ZNF461: variants seen among roughly 807,000 people sequenced by gnomAD.
ZNF461 encodes the protein zinc finger protein 461, also known as gonadotropin-inducible ovarian transcription factor-1.
A neutral mutation model predicts 18.3 loss-of-function variants in ZNF461; 16 were observed. That is an observed-to-expected ratio of 0.88 (90% CI 0.59 to 1.33). The LOEUF (loss-of-function observed/expected upper bound fraction) is 1.33, where lower values mean the gene tolerates loss of function less well. Among genes scored for constraint, ZNF461 ranks in the 40% most tolerant of loss-of-function variants. The pLI is 0.00. For missense variants in ZNF461, 595 were observed against 669.9 expected, an observed-to-expected ratio of 0.89 and a Z score of 1.23; for synonymous variants, 179 against 216.9, an observed-to-expected ratio of 0.83 and a Z score of 1.54.
chr19:36,652,874 T>C (rs2037654215), intron 4 of ZNF461, among the ~76,000 whole-genome samples: 1 of 152,082 alleles, frequency 6.6e-6, no homozygotes, highest in African/African-American at 2.4e-5. Context: ...CTGTCTAAGA[T>C]ACAAAAAGAA....
At chr19:36,651,359 A>G (rs2145392087) in intron 4 of ZNF461, among the ~76,000 whole-genome samples, 1 of 152,202 alleles carries the variant, frequency 6.6e-6, no homozygotes, top group East Asian at 1.9e-4. Flanking sequence ...TATTCAACAT[A>G]GTATTAGAAG....
chr19:36,639,053 T>C lies in ZNF461; in HGVS notation c.1292A>G (p.His431Arg), dbSNP rs1323254948. ...AFCDGLQLTL[H>R]QRIHTGEKPY... ...TTTCTCACCAGTATGAATCCTCTGA[T>C]GTAGGGTTAGTTGTAAGCCATCACA... is the stretch of plus-strand genomic sequence containing the variant. The change falls in exon 6 of 6, where the codon CAT becomes CGT. Residue 431 changes from histidine to arginine, a missense_variant. Coordinates refer to ENST00000588268, the MANE Select transcript of ZNF461 (RefSeq NM_153257.5). 6.2e-7 allele frequency: 1 copy of C among 1,614,026 alleles called. No individual in the cohort carries two copies. The highest frequency in any genetic ancestry group is 8.5e-7 in the Non-Finnish European group (1 of 1,180,008).
chr19:36,659,901 A>G (rs1262943399), intron 2 of ZNF461, among the ~76,000 whole-genome samples: 1 of 152,128 alleles, frequency 6.6e-6, no homozygotes, highest in African/African-American at 2.4e-5. Context: ...ATCTCCATCT[A>G]ATTCTAAAGC....
At chr19:36,660,999 C>T (rs1386288180) in intron 2 of ZNF461, among the ~76,000 whole-genome samples, 3 of 152,020 alleles carry the variant, frequency 2.0e-5, no homozygotes, top group Admixed American at 2.0e-4. Flanking sequence ...ATAGAAGTAT[C>T]CAGTTGTGTC....
At position 36,639,997 on chromosome 19, in the gene ZNF461, A is replaced by T. The variant is rs1224966925; in HGVS notation, c.348T>A (p.Asp116Glu). Residue 116 changes from aspartate (D) to glutamate (E), a missense_variant, in exon 6 of 6, where the codon GAT becomes GAA. Asp to Glu is a conservative substitution (Grantham distance 45). Transcript: ENST00000588268. ...ACTGGGATAATTCTGTTTCATAAATATCCCTTTTTGGAGATAACTTCTGGG... is the reference window on the plus strand; with the variant it reads ...ACTGGGATAATTCTGTTTCATAAATTTCCCTTTTTGGAGATAACTTCTGGG... ...DEPQKLSPKR[D>E]IYETELSQWV... is the part of the protein sequence containing the mutation. 2 of 1,613,418 alleles carry T rather than the reference A, an allele frequency of 1.2e-6. No individual in the cohort carries two copies. Among genetic ancestry groups the T allele is most frequent in the Admixed American group, 3.3e-5 (2 of 59,974 alleles).
intron 5 of ZNF461, among the ~76,000 whole-genome samples, chr19:36,641,660 G>T (rs1414730388): frequency 6.6e-6 from 1 of 151,472 alleles, no homozygotes; most frequent in Non-Finnish European, 1.5e-5. Context: ...GTTGCTGAAT[G>T]AATGAATTAT....
chr19:36,654,024 GTA>G (rs2037673328), intron 4 of ZNF461, among the ~76,000 whole-genome samples: 2 of 152,110 alleles, frequency 1.3e-5, no homozygotes, highest in African/African-American at 4.8e-5. Flanking sequence ...CAATTTTTTG[GTA>G]TGGTATTGTA....
chr19:36,639,861 A>G lies in ZNF461; in HGVS notation c.484T>C (p.Phe162Leu), dbSNP rs751577471. ...TCATGGTTAATCATAAGTTGTCTAAAATAACCCTCCTCTTGTCCCTGATGT... is the reference window on the plus strand; with the variant it reads ...TCATGGTTAATCATAAGTTGTCTAAGATAACCCTCCTCTTGTCCCTGATGT... ...EQHQGQEEGY[F>L]RQLMINHENM... The change falls in exon 6 of 6, where the codon TTT (phenylalanine) becomes CTT (leucine). Residue 162 changes from phenylalanine (F) to leucine (L), a missense_variant. Physicochemically the swap from Phe to Leu is conservative, Grantham distance 22. Transcript: ENST00000588268. 2 of 1,613,916 alleles carry G rather than the reference A, an allele frequency of 1.2e-6. No homozygotes were observed. The highest frequency in any genetic ancestry group is 1.7e-5 in the Admixed American group (1 of 60,002).
intron 4 of ZNF461, chr19:36,645,253 A>T (rs185528643): frequency 1.3e-5 from 2 of 152,324 alleles, no homozygotes; most frequent in East Asian, 3.9e-4. Context: ...GATCTGTTGT[A>T]TAACCCTGTG....
At chr19:36,653,295 A>G (rs1432020884) in intron 4 of ZNF461, among the ~76,000 whole-genome samples, 1 of 152,220 alleles carries the variant, frequency 6.6e-6, no homozygotes, top group African/African-American at 2.4e-5. Flanking sequence ...ATGAATGTAA[A>G]AAACAAAAAC....
At chr19:36,640,274 AGAGTT>A (rs1197210628) in intron 5 of ZNF461, among the ~76,000 whole-genome samples, 1 of 152,176 alleles carries the variant, frequency 6.6e-6, no homozygotes, top group Admixed American at 6.5e-5. Flanking sequence ...AATTACCTTG[AGAGTT>A]TGTTGCAATT....
At chr19:36,652,244 C>A (rs2037639261) in intron 4 of ZNF461, among the ~76,000 whole-genome samples, 1 of 151,964 alleles carries the variant, frequency 6.6e-6, no homozygotes, top group East Asian at 1.9e-4. Context: ...GTAATCCCAG[C>A]ACTTTGGGAG....
intron 4 of ZNF461, among the ~76,000 whole-genome samples, chr19:36,656,120 C>T (rs971246532): frequency 6.6e-6 from 1 of 151,660 alleles, no homozygotes; most frequent in Non-Finnish European, 1.5e-5. Flanking sequence ...GCCTCAGCCT[C>T]CCGAGTAGCT....
At position 36,638,628 on chromosome 19, in the gene ZNF461, C is replaced by G. The variant is rs2145355171; in HGVS notation, c.*25G>C. On this transcript the variant is annotated 3_prime_UTR_variant, in exon 6 of 6. Transcript: ENST00000588268. ...ACTTTTTCCTTAAATAAAACAAAGA[C>G]AATGTATATTTCCATCAACAAATTT... The G allele has an allele frequency of 6.6e-7, 1 of 1,520,406 alleles. No individual in the cohort carries two copies. The highest frequency in any genetic ancestry group is 8.8e-7 in the Non-Finnish European group (1 of 1,130,204). 94.2% of individuals were successfully genotyped at this position (1,520,406 alleles called of 1,614,324 possible). A position where few individuals can be genotyped will look rare whatever the true frequency, so the allele number is the denominator to read the frequency against.
At chr19:36,653,758 T>A (rs2037668692) in intron 4 of ZNF461, among the ~76,000 whole-genome samples, 1 of 152,188 alleles carries the variant, frequency 6.6e-6, no homozygotes, top group Non-Finnish European at 1.5e-5. Context: ...GTGGGAATTA[T>A]GGCAGCCTAC....
At chr19:36,647,454 C>A (rs1398523048) in intron 4 of ZNF461, among the ~76,000 whole-genome samples, 1 of 151,876 alleles carries the variant, frequency 6.6e-6, no homozygotes, top group South Asian at 2.1e-4. Context: ...GCAGAAGAAT[C>A]GCTTGAACCC....
intron 4 of ZNF461, among the ~76,000 whole-genome samples, chr19:36,654,398 G>T (rs1482241271): frequency 6.6e-6 from 1 of 152,050 alleles, no homozygotes; most frequent in Non-Finnish European, 1.5e-5. Flanking sequence ...ACAGGGTCTT[G>T]CTCTGTTACC....
intron 1 of ZNF461, among the ~76,000 whole-genome samples, chr19:36,665,708 CAAA>C (rs750223990): frequency 1.3e-5 from 1 of 77,866 alleles, no homozygotes; most frequent in African/African-American, 4.8e-5. Context: ...AACTTCGTCT[CAAA>C]AAAAAAAAAA....
chr19:36,654,656 G>A (rs1388498405), intron 4 of ZNF461, among the ~76,000 whole-genome samples: 1 of 151,930 alleles, frequency 6.6e-6, no homozygotes, highest in East Asian at 1.9e-4. Context: ...ACAGGCATGA[G>A]CCACCATGTT....
Sources: gnomAD v4.1 joint callset for allele counts (sites outside exome capture counted in the v4.1 genomes callset) on GRCh38, gnomAD v4.1.1 for gene constraint, MANE v1.5 for transcripts, NCBI Gene and HGNC (gene_info 2026-07-23, HGNC 2026-07-21) for gene names.